Variants in USH2A observed in about 807,000 individuals in gnomAD.
USH2A encodes Usher syndrome 2A (autosomal recessive, mild).
Under a neutral mutation model 538.9 loss-of-function variants are expected in USH2A, and 443 were observed. The observed-to-expected ratio is 0.82, with a 90% CI of 0.76 to 0.89. The LOEUF is 0.89. Ranked by LOEUF, USH2A falls within the 40% of genes least tolerant of loss-of-function variation. The pLI is 0.00. For missense variants in USH2A, 6,633 were observed against 6,324.8 expected, an observed-to-expected ratio of 1.05 and a Z score of -1.65; for synonymous variants, 2,413 against 2,273.5, an observed-to-expected ratio of 1.06 and a Z score of -1.75.
chr1:216,397,875 A>G (rs2039240266), intron 3 of USH2A, among the ~76,000 whole-genome samples: 1 of 152,226 alleles, frequency 6.6e-6, no homozygotes, highest in African/African-American at 2.4e-5. Context: ...CTTTATAATG[A>G]TGTGAGCAAA....
chr1:215,952,690 G>T (rs1178462529), intron 37 of USH2A, among the ~76,000 whole-genome samples: 1 of 152,152 alleles, frequency 6.6e-6, no homozygotes, highest in Admixed American at 6.5e-5. Context: ...TTTTCTTTAA[G>T]AATGTTGAAT....
chr1:215,641,043 G>T (rs1656670313), intron 67 of USH2A, among the ~76,000 whole-genome samples: 1 of 151,936 alleles, frequency 6.6e-6, no homozygotes, highest in Non-Finnish European at 1.5e-5. Context: ...ACATACAATG[G>T]ATCTGCTCAC....
At chr1:216,271,945 C>A (rs1345497077) in intron 11 of USH2A, among the ~76,000 whole-genome samples, 1 of 152,066 alleles carries the variant, frequency 6.6e-6, no homozygotes, top group African/African-American at 2.4e-5. Context: ...CATCTATGTT[C>A]ATATGGAATA....
intron 21 of USH2A, among the ~76,000 whole-genome samples, chr1:216,116,148 A>C (rs1450735435): frequency 6.6e-6 from 1 of 151,730 alleles, no homozygotes; most frequent in Admixed American, 6.6e-5. Flanking sequence ...CATTAGTTCT[A>C]GTTTCATGTT....
intron 4 of USH2A, among the ~76,000 whole-genome samples, chr1:216,333,226 G>A (rs1251802731): frequency 4.6e-5 from 7 of 151,884 alleles, no homozygotes; most frequent in East Asian, 1.9e-4. Flanking sequence ...GGAGGATCAC[G>A]AGCCCAGCAG....
intron 67 of USH2A, among the ~76,000 whole-genome samples, chr1:215,641,070 C>T (rs1656670732): frequency 6.6e-6 from 1 of 152,034 alleles, no homozygotes; most frequent in African/African-American, 2.4e-5. Context: ...AACCCTGGAG[C>T]TCATATTTTG....
chr1:216,123,910 A>G lies in USH2A; in HGVS notation c.4628-26697T>C, dbSNP rs530410241. 2.6e-4 allele frequency among the ~76,000 whole-genome samples: 40 copies of G among 152,272 alleles called. 1 individual carries two copies. The South Asian group carries it at 7.9e-3, about 30-fold the overall frequency. ...GTCATACATTTTTTTCTTACAGAGAAGTCATACAGTGACCCCATAGCCCTA... is the reference window on the plus strand; with the variant it reads ...GTCATACATTTTTTTCTTACAGAGAGGTCATACAGTGACCCCATAGCCCTA... On this transcript the variant is annotated intron_variant, in intron 21 of 71. Transcript: ENST00000307340.
Position 216,078,192 on chromosome 1 carries a change from T to C in USH2A, c.5469A>G (p.Ala1823=), listed in dbSNP as rs1480384486. The C allele has an allele frequency of 3.1e-6, 5 of 1,613,700 alleles. No homozygotes were observed. The highest frequency in any genetic ancestry group is 4.2e-6 in the Non-Finnish European group (5 of 1,179,814). The change falls in exon 27 of 72, where the codon GCA becomes GCG. Residue 1823 remains alanine (A), a synonymous_variant. Coordinates refer to ENST00000307340, the MANE Select transcript of USH2A (RefSeq NM_206933.4). Reference sequence around the variant, plus strand: ...CCAGTGGCTGGTCTCCGGACTCCGATGCATGCTTCATCAGTCCATTCACAC... The same window carrying C: ...CCAGTGGCTGGTCTCCGGACTCCGACGCATGCTTCATCAGTCCATTCACAC... ...SASVNGLMKH[A]SESGDQPLVV... is the part of the protein sequence containing the mutation.
rs1491186893 is a variant in USH2A at position 215,743,416 on chromosome 1, G to GTGTGTA, written c.11390-82_11390-81insTACACA. On this transcript the variant is annotated intron_variant, in intron 58 of 71. Transcript: ENST00000307340. ...TGTGTGTGTGTGTGTGTGTGTGTGT[G>GTGTGTA]TATATATATATAGACACACATATAT... The GTGTGTA allele has an allele frequency of 0.02, 4,851 of 238,050 alleles. 301 individuals carry two copies. The highest frequency in any genetic ancestry group is 0.084 in the African/African-American group (2,640 of 31,372). The allele number at this position is 238,050 out of a possible 1,614,324, so 14.7% of individuals were successfully genotyped here. A position where few individuals can be genotyped will look rare whatever the true frequency, so the allele number is the denominator to read the frequency against.
chr1:215,711,709 G>A (rs1238271684), intron 61 of USH2A, among the ~76,000 whole-genome samples: 2 of 152,144 alleles, frequency 1.3e-5, no homozygotes, highest in South Asian at 2.1e-4. Flanking sequence ...TGAATAAATA[G>A]CATATACTGT....
chr1:215,911,594 T>C (rs776188565), intron 38 of USH2A, among the ~76,000 whole-genome samples: 21 of 152,120 alleles, frequency 1.4e-4, no homozygotes, highest in Non-Finnish European at 2.8e-4. Context: ...ATTTTGTTTA[T>C]CCATCCATCT....
At chr1:216,261,931 G>C (rs1041524951) in intron 11 of USH2A, among the ~76,000 whole-genome samples, 1 of 152,106 alleles carries the variant, frequency 6.6e-6, no homozygotes, top group Non-Finnish European at 1.5e-5. Flanking sequence ...CCACAGGTTA[G>C]GTCAGTGAAG....
intron 37 of USH2A, among the ~76,000 whole-genome samples, chr1:215,945,183 G>A (rs914460389): frequency 6.6e-6 from 1 of 152,116 alleles, no homozygotes; most frequent in Non-Finnish European, 1.5e-5. Context: ...AAAGCAAAGA[G>A]AGTTTGATAT....
chr1:216,363,084 T>C (rs1159222854), intron 4 of USH2A, among the ~76,000 whole-genome samples: 1 of 152,064 alleles, frequency 6.6e-6, no homozygotes, highest in East Asian at 1.9e-4. Context: ...CATAGTCCAG[T>C]TAATTATATG....
intron 51 of USH2A, 25 bp from the exon 52 acceptor site, chr1:215,786,899 G>A (rs373759444): frequency 3.7e-6 from 6 of 1,610,930 alleles, no homozygotes; most frequent in East Asian, 2.2e-5. Context: ...AGGGGTGAGA[G>A]AGAGAGGGGT....
intron 30 of USH2A, among the ~76,000 whole-genome samples, chr1:216,056,274 C>G (rs1214564849): frequency 6.6e-6 from 1 of 152,156 alleles, no homozygotes; most frequent in Non-Finnish European, 1.5e-5. Context: ...CAAGAAAACA[C>G]TGGACCTGAC....
At chr1:215,925,412 A>G (rs1456348272) in intron 38 of USH2A, among the ~76,000 whole-genome samples, 2 of 152,200 alleles carry the variant, frequency 1.3e-5, no homozygotes, top group Admixed American at 1.3e-4. Flanking sequence ...AAATAGCAGC[A>G]CATTTGGAAG....
intron 64 of USH2A, among the ~76,000 whole-genome samples, chr1:215,660,827 A>G (rs964687725): frequency 5.9e-5 from 9 of 152,218 alleles, no homozygotes; most frequent in Non-Finnish European, 1.0e-4. Flanking sequence ...ATTAGTAATG[A>G]TCAGCTCCAT....
chr1:216,307,177 G>T (rs2037333293), intron 9 of USH2A, among the ~76,000 whole-genome samples: 1 of 152,088 alleles, frequency 6.6e-6, no homozygotes, highest in Non-Finnish European at 1.5e-5. Flanking sequence ...GTAGAGAAAG[G>T]CCATCAGGTA....
Sources: gnomAD v4.1 joint callset for allele counts (sites outside exome capture counted in the v4.1 genomes callset) on GRCh38, gnomAD v4.1.1 for gene constraint, MANE v1.5 for transcripts, NCBI Gene and HGNC (gene_info 2026-07-23, HGNC 2026-07-21) for gene names.